Variants in LY96 observed in about 807,000 individuals in gnomAD.
LY96 encodes the protein myeloid differentiation protein-2.
In LY96, 18 loss-of-function variants were observed where a neutral mutation model predicts 18.9. That is an observed-to-expected ratio of 0.95 (90% CI 0.66 to 1.41). LY96 has a LOEUF of 1.41. Ranked by LOEUF, LY96 falls within the 40% of genes most tolerant of loss-of-function variation. The probability of loss-of-function intolerance (pLI) is 0.00; values close to 1 mark genes in which losing one functional copy is unlikely to be tolerated. For synonymous variants in LY96, 66 were observed against 62.6 expected, an observed-to-expected ratio of 1.06 and a Z score of -0.26; for missense variants, 175 against 182.4, an observed-to-expected ratio of 0.96 and a Z score of 0.23.
chr8:74,063,878 A>G, the LY96 span, among the ~76,000 whole-genome samples: 1 of 152,136 alleles, frequency 6.6e-6, no homozygotes, highest in Admixed American at 6.5e-5. Context: ...GATTGTTTAT[A>G]CAGTCAATTA....
chr8:74,024,133 G>A (rs1816822470), intron 3 of LY96, among the ~76,000 whole-genome samples: 2 of 152,202 alleles, frequency 1.3e-5, no homozygotes, highest in African/African-American at 2.4e-5. Flanking sequence ...TCCTGAAGCT[G>A]GGTACTGAGA....
At chr8:74,062,810 T>C in the LY96 span, among the ~76,000 whole-genome samples, 1 of 152,196 alleles carries the variant, frequency 6.6e-6, no homozygotes, top group African/African-American at 2.4e-5. Flanking sequence ...CTGGCCATAG[T>C]CATATGGTTA....
chr8:74,053,027 A>G, the LY96 span, among the ~76,000 whole-genome samples: 1 of 152,184 alleles, frequency 6.6e-6, no homozygotes, highest in Non-Finnish European at 1.5e-5. Flanking sequence ...ACATTATTGT[A>G]CCTGCCAAGC....
the LY96 span, among the ~76,000 whole-genome samples, chr8:74,034,332 A>G: frequency 6.6e-6 from 1 of 152,142 alleles, no homozygotes; most frequent in African/African-American, 2.4e-5. Flanking sequence ...AGAACATGCC[A>G]CTGCACTCCA....
chr8:74,056,096 G>A, the LY96 span: 1 of 174,068 alleles, frequency 5.7e-6, no homozygotes, highest in Non-Finnish European at 1.2e-5. Flanking sequence ...GGTAAGCCTT[G>A]CTGAGCTGGA....
At chr8:74,081,814 C>A in the LY96 span, among the ~76,000 whole-genome samples, 1 of 152,080 alleles carries the variant, frequency 6.6e-6, no homozygotes, top group Non-Finnish European at 1.5e-5. Context: ...CCACCATCCC[C>A]AGCTAATTTT....
the LY96 span, among the ~76,000 whole-genome samples, chr8:74,060,485 G>T: frequency 6.6e-6 from 1 of 152,200 alleles, no homozygotes; most frequent in Non-Finnish European, 1.5e-5. Flanking sequence ...TGAACACCTA[G>T]ACAGTGAACT....
rs199757395 is a variant in LY96, at chr8:74,001,009, C to G, written c.113-3787C>G. 2.9e-4 allele frequency among the ~76,000 whole-genome samples: 44 copies of G among 152,318 alleles called. No homozygotes were observed. The East Asian group carries it at 6.2e-3, about 21-fold the overall frequency. The stretch of plus-strand genomic sequence containing the variant: ...CAGAGCCCTCATGAACTGATCACCT[C>G]TTAGAGGTTCCACCCCTCAACACTC... On this transcript the variant is annotated intron_variant, in intron 1 of 4. Coordinates refer to ENST00000284818, the MANE Select transcript of LY96 (RefSeq NM_015364.5).
At chr8:74,095,374 AG>A in the LY96 span, among the ~76,000 whole-genome samples, 2 of 152,194 alleles carry the variant, frequency 1.3e-5, no homozygotes, top group Non-Finnish European at 2.9e-5. Context: ...CTGTCCTTTA[AG>A]GGCCATAGGG....
chr8:74,096,285 A>G, the LY96 span, among the ~76,000 whole-genome samples: 2 of 152,108 alleles, frequency 1.3e-5, no homozygotes, highest in African/African-American at 2.4e-5. Context: ...ATTAAGACCA[A>G]TGAGGCTCTG....
the LY96 span, among the ~76,000 whole-genome samples, chr8:74,039,024 A>G: frequency 3.9e-5 from 6 of 152,144 alleles, no homozygotes; most frequent in Non-Finnish European, 7.4e-5. Context: ...TTTTCTCTAC[A>G]TCCTTGCCAG....
chr8:74,051,515 T>G, the LY96 span, among the ~76,000 whole-genome samples: 1 of 152,224 alleles, frequency 6.6e-6, no homozygotes, highest in Non-Finnish European at 1.5e-5. Flanking sequence ...CTGAAATTTT[T>G]AGCAGGTACC....
the LY96 span, among the ~76,000 whole-genome samples, chr8:74,077,448 C>T: frequency 6.6e-6 from 1 of 152,060 alleles, no homozygotes. Flanking sequence ...AAGATACCGT[C>T]CTTTGTGAGT....
the LY96 span, among the ~76,000 whole-genome samples, chr8:74,086,389 T>G: frequency 6.6e-6 from 1 of 152,236 alleles, no homozygotes; most frequent in African/African-American, 2.4e-5. Context: ...AATGAATGAA[T>G]TAGCTCAGGC....
chr8:74,078,968 A>G, the LY96 span, among the ~76,000 whole-genome samples: 7 of 152,014 alleles, frequency 4.6e-5, no homozygotes, highest in Non-Finnish European at 7.4e-5. Context: ...TTGATGTGTT[A>G]ACTTGACTGT....
At chr8:74,012,211 C>T (rs1251328661) in intron 3 of LY96, among the ~76,000 whole-genome samples, 3 of 152,068 alleles carry the variant, frequency 2.0e-5, no homozygotes, top group Non-Finnish European at 2.9e-5. Flanking sequence ...GAAAAGAAAT[C>T]AATATATCAA....
the LY96 span, among the ~76,000 whole-genome samples, chr8:74,095,045 C>T: frequency 6.6e-6 from 1 of 152,060 alleles, no homozygotes; most frequent in African/African-American, 2.4e-5. Flanking sequence ...AGTGAATTTC[C>T]CAATATTATT....
At chr8:73,999,702 A>G (rs997247637) in intron 1 of LY96, among the ~76,000 whole-genome samples, 2 of 152,208 alleles carry the variant, frequency 1.3e-5, no homozygotes, top group African/African-American at 2.4e-5. Context: ...AGTTTCTAAT[A>G]GAGACAGGGT....
the LY96 span, chr8:74,099,446 C>T: frequency 0.019 from 2,910 of 152,398 alleles, 46 homozygotes; most frequent in Non-Finnish European, 0.029. Flanking sequence ...ACCAGCATTT[C>T]TTCCTGATGA....
Sources: allele counts gnomAD v4.1 joint callset (sites outside exome capture counted in the v4.1 genomes callset), GRCh38; gene constraint gnomAD v4.1.1; transcripts MANE v1.5; gene names NCBI Gene and HGNC (gene_info 2026-07-23, HGNC 2026-07-21).